Variants in ITPRID1 observed in about 807,000 individuals in gnomAD.
ITPRID1 encodes the protein ITPR interacting domain containing 1.
A neutral mutation model predicts 95.4 loss-of-function variants in ITPRID1; 96 were observed. That is an observed-to-expected ratio of 1.01 (90% CI 0.85 to 1.19). The LOEUF is 1.19. ITPRID1 is among the 50% of genes most tolerant of loss of function. ITPRID1 has a pLI of 0.00. For synonymous variants in ITPRID1, 510 were observed against 453.6 expected (o/e 1.12, Z -1.58); for missense variants, 1,339 against 1,252.9 (o/e 1.07, Z -1.04).
chr7:31,560,700 T>C (rs184367142), intron 5 of ITPRID1, among the ~76,000 whole-genome samples: 1 of 152,148 alleles, frequency 6.6e-6, no homozygotes, highest in African/African-American at 2.4e-5. Flanking sequence ...TTTATTGGGA[T>C]GGGAAAAACA....
intron 10 of ITPRID1, among the ~76,000 whole-genome samples, chr7:31,622,920 G>T (rs1319831869): frequency 2.6e-5 from 4 of 151,928 alleles, no homozygotes; most frequent in Admixed American, 2.0e-4. Context: ...ATGATAAAGG[G>T]GATATCACCA....
intron 1 of ITPRID1, among the ~76,000 whole-genome samples, chr7:31,543,499 ATTG>A (rs1233251621): frequency 2.1e-5 from 2 of 95,310 alleles, no homozygotes; most frequent in Admixed American, 9.8e-5. Context: ...CTAGTGTCTC[ATTG>A]TTGTTTAAAT....
intron 1 of ITPRID1, among the ~76,000 whole-genome samples, chr7:31,526,695 C>A (rs1783431578): frequency 6.6e-6 from 1 of 152,102 alleles, no homozygotes; most frequent in Non-Finnish European, 1.5e-5. Context: ...TCAATTTTGA[C>A]CATTGCGTCC....
At chr7:31,636,832 C>T (rs1789529399) in intron 10 of ITPRID1, among the ~76,000 whole-genome samples, 1 of 151,026 alleles carries the variant, frequency 6.6e-6, no homozygotes, top group Admixed American at 6.6e-5. Flanking sequence ...CACCCATTAA[C>T]TCATCATTCA....
chr7:31,578,509 A>G, intron 9 of ITPRID1, 75 bp downstream of exon 9: 4 of 1,051,824 alleles, frequency 3.8e-6, no homozygotes, highest in Non-Finnish European at 5.5e-6. Flanking sequence ...TCCAGCCCTC[A>G]TTTCACCACT....
intron 5 of ITPRID1, among the ~76,000 whole-genome samples, chr7:31,556,196 A>G (rs1784440268): frequency 1.3e-5 from 2 of 152,210 alleles, no homozygotes; most frequent in South Asian, 4.1e-4. Context: ...AGGCACAGAC[A>G]TGAAGTAAAG....
At chr7:31,620,927 T>C (rs1354030512) in intron 10 of ITPRID1, among the ~76,000 whole-genome samples, 2 of 151,964 alleles carry the variant, frequency 1.3e-5, no homozygotes, top group South Asian at 4.2e-4. Flanking sequence ...CTGATGGAGC[T>C]GAAAGCCAAG....
At chr7:31,549,295 ACAT>A in intron 1 of ITPRID1, 128 bp from the exon 2 acceptor site, 3 of 537,102 alleles carry the variant, frequency 5.6e-6, no homozygotes, top group Non-Finnish European at 6.1e-6. Context: ...TCTCCCAAAA[ACAT>A]CTACTTCTCA....
chr7:31,616,809 A>AAAAC (rs772588700), intron 10 of ITPRID1, among the ~76,000 whole-genome samples: 2 of 152,158 alleles, frequency 1.3e-5, no homozygotes. Context: ...TGGTAGCATA[A>AAAAC]AAACATTAGA....
chr7:31,519,672 T>C (rs1354229604), intron 1 of ITPRID1, among the ~76,000 whole-genome samples: 1 of 140,130 alleles, frequency 7.1e-6, no homozygotes, highest in African/African-American at 2.6e-5. Flanking sequence ...TGCTGGTATT[T>C]GTCCCTTTCT....
intron 10 of ITPRID1, among the ~76,000 whole-genome samples, chr7:31,612,672 G>T (rs572110353): frequency 6.6e-6 from 1 of 152,016 alleles, no homozygotes; most frequent in Non-Finnish European, 1.5e-5. Context: ...TTTTCTGAAG[G>T]TCTCTGTGTT....
At chr7:31,633,340 A>T (rs1789189687) in intron 10 of ITPRID1, among the ~76,000 whole-genome samples, 1 of 152,144 alleles carries the variant, frequency 6.6e-6, no homozygotes, top group African/African-American at 2.4e-5. Flanking sequence ...TACAAAGACG[A>T]ATTTCCTAAA....
chr7:31,579,074 C>T (rs1785302952), intron 9 of ITPRID1, among the ~76,000 whole-genome samples: 1 of 152,146 alleles, frequency 6.6e-6, no homozygotes, highest in Non-Finnish European at 1.5e-5. Flanking sequence ...ATAGCTTGAC[C>T]TTCATTTCAC....
chr7:31,532,409 G>T (rs1783628995), intron 1 of ITPRID1, among the ~76,000 whole-genome samples: 1 of 152,174 alleles, frequency 6.6e-6, no homozygotes, highest in South Asian at 2.1e-4. Flanking sequence ...AATGATGAGA[G>T]CAGACATCCT....
At chr7:31,599,622 T>TTTCTTTCC in intron 10 of ITPRID1, among the ~76,000 whole-genome samples, 1 of 57,698 alleles carries the variant, frequency 1.7e-5, no homozygotes, top group Non-Finnish European at 4.3e-5. Context: ...TCTTTCTTTC[T>TTTCTTTCC]TTCTTTCTTT....
downstream of ITPRID1, chr7:31,658,406 T>C: frequency 6.7e-7 from 1 of 1,486,840 alleles, no homozygotes; most frequent in South Asian, 1.3e-5. Flanking sequence ...TTTTTCTTTG[T>C]TGAGAAAATA....
intron 10 of ITPRID1, among the ~76,000 whole-genome samples, chr7:31,615,818 A>G (rs1482645828): frequency 2.0e-5 from 3 of 150,682 alleles, no homozygotes; most frequent in Admixed American, 6.6e-5. Flanking sequence ...CAGTGGTGCA[A>G]TCTTGGCTCA....
At chr7:31,597,179 T>G (rs948259197) in intron 10 of ITPRID1, among the ~76,000 whole-genome samples, 1 of 152,046 alleles carries the variant, frequency 6.6e-6, no homozygotes, top group Admixed American at 6.5e-5. Context: ...CAAATCTTGA[T>G]AGCAATTTCA....
chr7:31,587,846 A>C (rs1320278110), intron 10 of ITPRID1, among the ~76,000 whole-genome samples: 1 of 151,596 alleles, frequency 6.6e-6, no homozygotes, highest in African/African-American at 2.4e-5. Context: ...CATATCTACA[A>C]CTATCTGATC....
Sources: allele counts gnomAD v4.1 joint callset (sites outside exome capture counted in the v4.1 genomes callset), GRCh38; gene constraint gnomAD v4.1.1; transcripts MANE v1.5; gene names NCBI Gene and HGNC (gene_info 2026-07-23, HGNC 2026-07-21).